Variants in B4GALNT2 observed in about 807,000 individuals in gnomAD.
B4GALNT2 encodes the protein beta-1,4-N-acetyl-galactosaminyltransferase 2 (SID blood group), also known as N-acetylneuraminylgalactosylglucosyl-glucoside beta-1,4-N- acetylgalactosaminyltransferase 2.
Under a neutral mutation model 51.1 loss-of-function variants are expected in B4GALNT2, and 42 were observed. That is an observed-to-expected ratio of 0.82 (90% confidence interval 0.64 to 1.06). The LOEUF (loss-of-function observed/expected upper bound fraction) is 1.06, where lower values mean the gene tolerates loss of function less well. Among genes scored for constraint, B4GALNT2 ranks in the 50% least tolerant of loss-of-function variants. The probability of loss-of-function intolerance (pLI) is 0.00; values close to 1 mark genes in which losing one functional copy is unlikely to be tolerated. For missense variants in B4GALNT2, 602 were observed against 633.6 expected, an observed-to-expected ratio of 0.95 and a Z score of 0.54; for synonymous variants, 253 against 251.7, an observed-to-expected ratio of 1.01 and a Z score of -0.05.
chr17:49,147,966 T>TTATATATATATATATA (rs140831657), intron 3 of B4GALNT2, among the ~76,000 whole-genome samples: 10 of 147,638 alleles, frequency 6.8e-5, no homozygotes, highest in African/African-American at 2.5e-4. Context: ...TTTTATTCAA[T>TTATATATATATATATA]TATATATATA....
rs375501201 is a variant in B4GALNT2, at chr17:49,169,505, C to T, written c.1316-18C>T. On this transcript the variant is annotated intron_variant, in intron 10 of 10. Coordinates refer to ENST00000393354, the MANE Select transcript of B4GALNT2 (RefSeq NM_001159387.2). ...TGACCGCAGCTCCCACTTCCTTCTG[C>T]TCTCCCTCTCTTTGCAGAATTCTTC... The T allele has an allele frequency of 2.6e-5, 42 of 1,606,530 alleles. No individual in the cohort carries two copies. In the Middle Eastern group the frequency reaches 6.7e-4, roughly 26 times the overall value.
the B4GALNT2 span, among the ~76,000 whole-genome samples, chr17:49,121,307 T>C: frequency 2.0e-5 from 3 of 152,206 alleles, no homozygotes; most frequent in Non-Finnish European, 4.4e-5. Flanking sequence ...GTGGCTCAAA[T>C]TGTTCTACTT....
upstream of B4GALNT2, chr17:49,132,678 C>G: frequency 1.6e-6 from 2 of 1,285,112 alleles, no homozygotes; most frequent in Non-Finnish European, 1.0e-6. Context: ...CCCAAGCGTC[C>G]TGCACCTGCC....
chr17:49,166,086 C>A (rs1355088963), intron 8 of B4GALNT2, 28 bp from the exon 9 acceptor site: 2 of 1,606,430 alleles, frequency 1.2e-6, no homozygotes, highest in African/African-American at 1.3e-5. Flanking sequence ...TATGGGCAAC[C>A]ACTCCTTTAA....
chr17:49,161,043 G>C (rs2042859464), intron 7 of B4GALNT2, among the ~76,000 whole-genome samples: 1 of 152,138 alleles, frequency 6.6e-6, no homozygotes, highest in South Asian at 2.1e-4. Context: ...GGGAGGCCTA[G>C]GTGGGCAGAT....
intron 4 of B4GALNT2, among the ~76,000 whole-genome samples, chr17:49,155,509 G>A (rs532959350): frequency 1.3e-5 from 2 of 150,722 alleles, no homozygotes; most frequent in Non-Finnish European, 3.0e-5. Context: ...GGCTGAGGCA[G>A]GAGAATCACT....
intron 1 of B4GALNT2, among the ~76,000 whole-genome samples, chr17:49,138,903 A>G (rs571080024): frequency 1.1e-4 from 16 of 152,264 alleles, no homozygotes; most frequent in African/African-American, 3.8e-4. Flanking sequence ...ACAACAACAA[A>G]AGAAAAACAA....
chr17:49,143,003 C>T (rs1285260859), intron 3 of B4GALNT2, among the ~76,000 whole-genome samples: 18 of 152,158 alleles, frequency 1.2e-4, no homozygotes, highest in Admixed American at 1.0e-3. Context: ...AATCCCAACA[C>T]TTTGGGAGAC....
rs2042951753 is a variant in B4GALNT2 at position 49,170,599 on chromosome 17, T to A, written c.*871T>A. On this transcript the variant is annotated 3_prime_UTR_variant, in exon 11 of 11. Transcript: ENST00000393354. ...GTCATTTACAGAGTGGTTCCATCAC[T>A]CTGTTGTTGGATAAGCCTCTTTCTG... 1 of 152,234 alleles carries A rather than the reference T, an allele frequency of 6.6e-6. No individual in the cohort carries two copies. The highest frequency in any genetic ancestry group is 2.4e-5 in the African/African-American group (1 of 41,458). The allele number at this position is 152,234 out of a possible 1,614,324, so 9.4% of individuals were successfully genotyped here.
chr17:49,125,621 G>C, the B4GALNT2 span, among the ~76,000 whole-genome samples: 4 of 149,652 alleles, frequency 2.7e-5, no homozygotes, highest in African/African-American at 9.8e-5. Flanking sequence ...TGGGATGTGG[G>C]GAGCGCCTCT....
intron 1 of B4GALNT2, among the ~76,000 whole-genome samples, chr17:49,137,255 T>A (rs894651940): frequency 3.3e-5 from 5 of 152,188 alleles, no homozygotes; most frequent in Non-Finnish European, 7.4e-5. Flanking sequence ...GGAAACTTCA[T>A]CCCCAATTAG....
intron 1 of B4GALNT2, among the ~76,000 whole-genome samples, chr17:49,135,208 T>TACACACAC (rs1263689726): frequency 6.6e-5 from 10 of 152,346 alleles, no homozygotes; most frequent in Admixed American, 3.3e-4. Context: ...AAACTCAAAT[T>TACACACAC]ACACATACAC....
chr17:49,156,324 A>G lies in B4GALNT2; in HGVS notation c.461-242A>G, dbSNP rs549046919. On this transcript the variant is annotated intron_variant, in intron 4 of 10. Coordinates refer to ENST00000393354, the MANE Select transcript of B4GALNT2 (RefSeq NM_001159387.2). ...CCCTGAAGGAACTGAATTAATTCACAGCCTCCAAAACTGAGGACGGGCATC... is the reference window on the plus strand; with the variant it reads ...CCCTGAAGGAACTGAATTAATTCACGGCCTCCAAAACTGAGGACGGGCATC... Among the ~76,000 whole-genome samples, 3 of 152,320 alleles carry G rather than the reference A, an allele frequency of 2.0e-5. No homozygotes were observed. The South Asian group carries it at 6.2e-4, about 32-fold the overall frequency.
chr17:49,171,331 G>T lies in B4GALNT2; in HGVS notation c.*1603G>T, dbSNP rs534363545. 1 of 399,970 alleles carries T rather than the reference G, an allele frequency of 2.5e-6. No homozygotes were observed. The highest frequency in any genetic ancestry group is 7.7e-5 in the East Asian group (1 of 12,970). 24.8% of individuals were successfully genotyped at this position (399,970 alleles called of 1,614,324 possible). The stretch of plus-strand genomic sequence containing the variant: ...CCAAGTGTCTTTATCCACTTTAATG[G>T]GTTAATATCTGCTAATCTGTCTGCA... On this transcript the variant is annotated 3_prime_UTR_variant, in exon 11 of 11. Transcript: ENST00000393354.
rs537910316 is a variant in B4GALNT2 at position 49,165,617 on chromosome 17, T to G, written c.955-497T>G. Among the ~76,000 whole-genome samples the G allele has an allele frequency of 2.5e-4, 34 of 133,986 alleles. 2 individuals carry two copies. The South Asian group carries it at 6.8e-3, about 27-fold the overall frequency. The allele number at this position is 133,986 out of a possible 152,430, so 87.9% of individuals were successfully genotyped here. A position where few individuals can be genotyped will look rare whatever the true frequency, so the allele number is the denominator to read the frequency against. On this transcript the variant is annotated intron_variant, in intron 8 of 10. Transcript: ENST00000393354. ...CACTCTCTCTTTCTCTCTCCCTCTC[T>G]TCTTCCCACCCTTCCTCTCTCTTTC... is the stretch of plus-strand genomic sequence containing the variant.
At chr17:49,161,992 A>T (rs1268050286) in intron 7 of B4GALNT2, among the ~76,000 whole-genome samples, 1 of 150,554 alleles carries the variant, frequency 6.6e-6, no homozygotes, top group East Asian at 2.0e-4. Flanking sequence ...AAATTAGCAA[A>T]TTTTTTTCTT....
In B4GALNT2 at chr17:49,159,023, C is replaced by G; in HGVS notation, c.499-14C>G. 1 of 1,612,744 alleles carries G rather than the reference C, an allele frequency of 6.2e-7. No homozygotes were observed. Among genetic ancestry groups the G allele is most frequent in the Non-Finnish European group, 8.5e-7 (1 of 1,179,080 alleles). On this transcript the variant is annotated splice_polypyrimidine_tract_variant and intron_variant, in intron 5 of 10. Coordinates refer to ENST00000393354, the MANE Select transcript of B4GALNT2 (RefSeq NM_001159387.2). ...ATCCCTGCATTGAGCATCATTCTAC[C>G]TCACCCACCCTAGGTCACCCTGACA... is the stretch of plus-strand genomic sequence containing the variant.
At chr17:49,143,047 G>A (rs1055960123) in intron 3 of B4GALNT2, among the ~76,000 whole-genome samples, 3 of 152,080 alleles carry the variant, frequency 2.0e-5, no homozygotes, top group African/African-American at 4.8e-5. Flanking sequence ...TCAGGAGTTC[G>A]AGACCAGCCT....
intron 9 of B4GALNT2, among the ~76,000 whole-genome samples, chr17:49,168,085 G>A (rs1279297553): frequency 2.0e-5 from 3 of 152,182 alleles, no homozygotes; most frequent in Non-Finnish European, 2.9e-5. Context: ...GGGAAAGAAC[G>A]GGTGATGGGG....
Sources: allele counts gnomAD v4.1 joint callset (sites outside exome capture counted in the v4.1 genomes callset), GRCh38; gene constraint gnomAD v4.1.1; transcripts MANE v1.5; gene names NCBI Gene and HGNC (gene_info 2026-07-23, HGNC 2026-07-21).